Variants in UBOX5 observed in about 807,000 individuals in gnomAD.
UBOX5 encodes U-box domain containing 5, also known as RING finger protein 37.
A neutral mutation model predicts 39.0 loss-of-function variants in UBOX5; 28 were observed. That is an observed-to-expected ratio of 0.72 (90% confidence interval 0.53 to 0.98). The LOEUF is 0.98. Among genes scored for constraint, UBOX5 ranks in the 50% least tolerant of loss-of-function variants. The pLI, the probability that UBOX5 is intolerant of heterozygous loss-of-function variation, is 0.00. For missense variants in UBOX5, 585 were observed against 674.4 expected, an observed-to-expected ratio of 0.87 and a Z score of 1.47; for synonymous variants, 283 against 275.5, an observed-to-expected ratio of 1.03 and a Z score of -0.27.
chr20:3,155,898 T>C (rs1481885866), intron 1 of UBOX5, among the ~76,000 whole-genome samples: 2 of 152,208 alleles, frequency 1.3e-5, no homozygotes, highest in Non-Finnish European at 2.9e-5. Context: ...AGTAACTCTA[T>C]AGAAACTGTA....
At chr20:3,118,800 G>T (rs922894769) in intron 3 of UBOX5, among the ~76,000 whole-genome samples, 1 of 152,148 alleles carries the variant, frequency 6.6e-6, no homozygotes, top group African/African-American at 2.4e-5. Flanking sequence ...TCAGCCAGGC[G>T]TGTTGGCACG....
Position 3,115,310 on chromosome 20 carries a change from C to T in UBOX5, c.1412G>A (p.Gly471Asp). The T allele has an allele frequency of 6.2e-7, 1 of 1,610,220 alleles. No homozygotes were observed. Among genetic ancestry groups the T allele is most frequent in the East Asian group, 2.2e-5 (1 of 44,612 alleles). ...GSNTSWRPGT[G>D]SEQPGSILGP... is the part of the protein sequence containing the mutation. The stretch of plus-strand genomic sequence containing the variant: ...GATGGCGGGGCCCATGTTACCCGAG[C>T]CGGTGCCAGGCCTCCAGGAAGTGTT... Residue 471 changes from glycine (G) to aspartate (D), a missense_variant, in exon 4 of 5, where the codon GGC becomes GAC. Physicochemically the swap from Gly to Asp is moderately conservative, Grantham distance 94. Coordinates refer to ENST00000217173, the MANE Select transcript of UBOX5 (RefSeq NM_014948.4).
intron 1 of UBOX5, among the ~76,000 whole-genome samples, chr20:3,124,310 C>T (rs2066360768): frequency 1.3e-5 from 2 of 152,316 alleles, no homozygotes; most frequent in African/African-American, 2.4e-5. Context: ...AACCTCCCTG[C>T]CTCGGGCTCC....
rs1018159420 is a variant in UBOX5, at chr20:3,108,563, T to C, written c.*1543A>G. On this transcript the variant is annotated 3_prime_UTR_variant, in exon 5 of 5. Transcript: ENST00000217173. ...CCTCAAATCTCATGTGAAGGCTGCA[T>C]CAAGGTCAGTGCCAAGAGGAAGCAG... 2.6e-5 allele frequency: 4 copies of C among 152,268 alleles called. No homozygotes were observed. The highest frequency in any genetic ancestry group is 4.4e-5 in the Non-Finnish European group (3 of 68,074). 9.4% of individuals were successfully genotyped at this position (152,268 alleles called of 1,614,324 possible).
At chr20:3,153,700 C>T (rs1055956555) in intron 1 of UBOX5, among the ~76,000 whole-genome samples, 3 of 152,142 alleles carry the variant, frequency 2.0e-5, no homozygotes, top group Non-Finnish European at 2.9e-5. Context: ...CTTGAAAGTC[C>T]CTTCCACCTC....
At chr20:3,119,810 C>A (rs1000485952) in intron 3 of UBOX5, among the ~76,000 whole-genome samples, 1 of 151,922 alleles carries the variant, frequency 6.6e-6, no homozygotes, top group Non-Finnish European at 1.5e-5. Context: ...GACGAGATTG[C>A]GCCATTGCAC....
intron 1 of UBOX5, among the ~76,000 whole-genome samples, chr20:3,157,884 G>A (rs1254264048): frequency 3.3e-5 from 5 of 152,092 alleles, no homozygotes; most frequent in African/African-American, 9.7e-5. Context: ...AAATAAAGAA[G>A]GAGTTTCAGA....
At chr20:3,132,021 A>C (rs1015908189) in intron 1 of UBOX5, among the ~76,000 whole-genome samples, 30 of 139,764 alleles carry the variant, frequency 2.1e-4, no homozygotes, top group Admixed American at 1.9e-3. Context: ...AAAAAAAAAA[A>C]AAAAAAAACT....
chr20:3,123,290 T>G (rs2148596061), intron 2 of UBOX5, 22 bp downstream of exon 2: 2 of 1,603,256 alleles, frequency 1.2e-6, no homozygotes, highest in East Asian at 4.5e-5. Flanking sequence ...TATATTTATG[T>G]GTATATATTT....
At chr20:3,118,535 C>T (rs772103818) in intron 3 of UBOX5, among the ~76,000 whole-genome samples, 5 of 151,962 alleles carry the variant, frequency 3.3e-5, no homozygotes, top group Admixed American at 6.6e-5. Flanking sequence ...CTTTGGGAGG[C>T]CGAGGTGGGT....
rs2066672219 is a variant in UBOX5 at position 3,155,226 on chromosome 20, T to TAAA, written c.-42+4539_-42+4540insTTT. The stretch of plus-strand genomic sequence containing the variant: ...CTGGGTAACATGGTGAAACCCTGTC[T>TAAA]CTACTAAAAATACAAAAAGTAGGCT... On this transcript the variant is annotated intron_variant, in intron 1 of 4. Coordinates refer to ENST00000217173, the MANE Select transcript of UBOX5 (RefSeq NM_014948.4). 2.0e-5 allele frequency among the ~76,000 whole-genome samples: 3 copies of TAAA among 152,032 alleles called. No individual in the cohort carries two copies. The South Asian group carries it at 6.2e-4, about 32-fold the overall frequency.
At chr20:3,147,643 C>A (rs1481987244) in intron 1 of UBOX5, 3 of 1,614,110 alleles carry the variant, frequency 1.9e-6, no homozygotes, top group Non-Finnish European at 2.5e-6. Flanking sequence ...CCAGGCCCAG[C>A]AGGCAGGTGG....
At chr20:3,123,624 G>C (rs1317909991) in intron 1 of UBOX5, among the ~76,000 whole-genome samples, 2 of 152,108 alleles carry the variant, frequency 1.3e-5, no homozygotes, top group African/African-American at 4.8e-5. Flanking sequence ...GGCTCAACAG[G>C]TTGGCAAAGA....
chr20:3,125,514 T>C (rs1485572469), intron 1 of UBOX5, among the ~76,000 whole-genome samples: 41 of 84,982 alleles, frequency 4.8e-4, no homozygotes, highest in Admixed American at 1.7e-3. Flanking sequence ...AAGTGAGGAG[T>C]GCCTCTGCCC....
At chr20:3,140,628 A>G (rs963656736) in intron 1 of UBOX5, among the ~76,000 whole-genome samples, 3 of 152,126 alleles carry the variant, frequency 2.0e-5, no homozygotes, top group African/African-American at 7.2e-5. Flanking sequence ...GTCAACATGT[A>G]AACACATTCA....
In UBOX5 at chr20:3,121,603, C is replaced by T; in HGVS notation, c.1036G>A (p.Ala346Thr). ...SIPGCHLLGR[A>T]QTALAVIPSS... ...GGGATCACTGCCAATGCCGTCTGTGCTCTCCCAAGCAGGTGGCAGCCAGGG... is the reference window on the plus strand; with the variant it reads ...GGGATCACTGCCAATGCCGTCTGTGTTCTCCCAAGCAGGTGGCAGCCAGGG... Residue 346 changes from alanine to threonine, a missense_variant, in exon 3 of 5, where the codon GCA becomes ACA. By Grantham distance (58) the Ala-to-Thr change is moderately conservative. Transcript: ENST00000217173. 6.2e-7 allele frequency: 1 copy of T among 1,605,822 alleles called. No homozygotes were observed. Among genetic ancestry groups the T allele is most frequent in the Non-Finnish European group, 8.5e-7 (1 of 1,176,034 alleles).
intron 1 of UBOX5, among the ~76,000 whole-genome samples, chr20:3,158,754 G>A (rs1197482352): frequency 6.6e-6 from 1 of 152,234 alleles, no homozygotes; most frequent in African/African-American, 2.4e-5. Flanking sequence ...GATTACAGGC[G>A]TGAGCCACTG....
intron 1 of UBOX5, among the ~76,000 whole-genome samples, chr20:3,139,733 G>A (rs989176787): frequency 2.6e-5 from 4 of 151,174 alleles, no homozygotes; most frequent in African/African-American, 9.7e-5. Context: ...TTTTTGAGAC[G>A]GAGTCTTGCT....
chr20:3,146,365 T>TAA (rs201415332), intron 1 of UBOX5, among the ~76,000 whole-genome samples: 65 of 93,452 alleles, frequency 7.0e-4, no homozygotes, highest in Middle Eastern at 0.025. Context: ...AAAACTGGCT[T>TAA]TAAAAAAAAA....
Sources: allele counts gnomAD v4.1 joint callset (sites outside exome capture counted in the v4.1 genomes callset), GRCh38; gene constraint gnomAD v4.1.1; transcripts MANE v1.5; gene names NCBI Gene and HGNC (gene_info 2026-07-23, HGNC 2026-07-21).